The following STRADA variants were observed in gnomAD, a reference collection of about 807,000 sequenced individuals.
The protein encoded by STRADA is STE20-related kinase adapter protein alpha.
STRADA carries 26 observed loss-of-function variants against 55.0 expected under a neutral mutation model. The ratio of observed to expected loss-of-function variants is 0.47; its 90% CI spans 0.35 to 0.66. The LOEUF is 0.66. STRADA is among the 30% of genes least tolerant of loss of function. The pLI is 0.01. For missense variants in STRADA, 443 were observed against 549.7 expected, an observed-to-expected ratio of 0.81 and a Z score of 1.94; for synonymous variants, 197 against 210.9, an observed-to-expected ratio of 0.93 and a Z score of 0.57.
rs1555712188 is a variant in STRADA, at chr17:63,740,105, T to TAC, written c.-45+1635_-45+1636insGT. On this transcript the variant is annotated intron_variant, in intron 1 of 12. Transcript: ENST00000336174. Reference sequence around the variant, plus strand: ...TTAACACTATATATATATATATATATATACATACATACATATATATATACA... The same window carrying TAC: ...TTAACACTATATATATATATATATATACATACATACATACATATATATATACA... Among the ~76,000 whole-genome samples, 18 of 56,660 alleles carry TAC rather than the reference T, an allele frequency of 3.2e-4. 4 individuals are homozygous for TAC. The highest frequency in any genetic ancestry group is 1.3e-3 in the South Asian group (2 of 1,520). 37.2% of individuals were successfully genotyped at this position (56,660 alleles called of 152,430 possible). A position where few individuals can be genotyped will look rare whatever the true frequency, so the allele number is the denominator to read the frequency against.
chr17:63,704,859 C>T (rs186211222), intron 10 of STRADA: 355 of 1,536,000 alleles, frequency 2.3e-4, no homozygotes, highest in Non-Finnish European at 9.5e-5. Context: ...TCACAGTTTC[C>T]GCTCTCCCTT....
chr17:63,731,531 T>C (rs958485508), intron 1 of STRADA, among the ~76,000 whole-genome samples: 3 of 152,114 alleles, frequency 2.0e-5, no homozygotes, highest in African/African-American at 7.2e-5. Context: ...CCCAAAGTGC[T>C]GGGATTACAG....
At chr17:63,714,593 C>T (rs2036729416) in intron 4 of STRADA, 1 of 207,454 alleles carries the variant, frequency 4.8e-6, no homozygotes, top group Admixed American at 5.3e-5. Flanking sequence ...GAGTAGCCCC[C>T]TCTTTAGCAA....
intron 1 of STRADA, among the ~76,000 whole-genome samples, chr17:63,731,894 T>A (rs962360613): frequency 2.0e-5 from 3 of 152,198 alleles, no homozygotes; most frequent in African/African-American, 7.2e-5. Context: ...AGACAGGGTT[T>A]CATTCTATTG....
intron 1 of STRADA, among the ~76,000 whole-genome samples, chr17:63,729,405 C>G (rs1208961050): frequency 6.6e-6 from 1 of 152,144 alleles, no homozygotes; most frequent in Non-Finnish European, 1.5e-5. Flanking sequence ...ACCAACATAG[C>G]TCTGGCATAA....
chr17:63,726,820 T>A, intron 2 of STRADA, 125 bp from the exon 3 acceptor site: 1 of 900,856 alleles, frequency 1.1e-6, no homozygotes, highest in Non-Finnish European at 1.7e-6. Flanking sequence ...CAGTTAGGAA[T>A]CATTTCTATG....
chr17:63,737,253 A>AAAAGAAAAG, intron 1 of STRADA: 1 of 62,766 alleles, frequency 1.6e-5, no homozygotes, highest in African/African-American at 5.2e-5. Context: ...TATCTCAAAA[A>AAAAGAAAAG]AAAAAAAAAA....
rs763530418 is a variant in STRADA at position 63,707,102 on chromosome 17, C to T, written c.753+145G>A. ...ACCACATCCATCTGCAGTGGACAGG[C>T]GCTGCCCACGCTGAGGGCTCCCTCC... is the stretch of plus-strand genomic sequence containing the variant. On this transcript the variant is annotated intron_variant, in intron 9 of 12. Transcript: ENST00000336174. The T allele has an allele frequency of 3.8e-4, 369 of 980,982 alleles. 3 individuals carry two copies. The highest frequency in any genetic ancestry group is 2.6e-3 in the Middle Eastern group (8 of 3,070). 60.8% of individuals were successfully genotyped at this position (980,982 alleles called of 1,614,324 possible).
chr17:63,707,075 G>A (rs773894660), intron 9 of STRADA, among the ~76,000 whole-genome samples, 172 bp downstream of exon 9: 125 of 152,198 alleles, frequency 8.2e-4, no homozygotes, highest in Admixed American at 3.3e-3. Flanking sequence ...CCCCTGGGAG[G>A]AACCACATCC....
At chr17:63,728,166 G>T (rs1467957646) in intron 2 of STRADA, 168 bp downstream of exon 2, 2 of 570,474 alleles carry the variant, frequency 3.5e-6, no homozygotes, top group East Asian at 6.3e-5. Flanking sequence ...GCCTCTGTCT[G>T]CAAACTCTTC....
rs543680406 is a variant in STRADA, at chr17:63,711,672, C to T, written c.349-836G>A. ...AAACATGGCCGGGCATGGTGGCTCA[C>T]GCCTGTAATCCCAGCACTTTGGGAG... On this transcript the variant is annotated intron_variant, in intron 6 of 12. Coordinates refer to ENST00000336174, the MANE Select transcript of STRADA (RefSeq NM_001003787.4). Among the ~76,000 whole-genome samples, 5 of 151,958 alleles carry T rather than the reference C, an allele frequency of 3.3e-5. No homozygotes were observed. In the East Asian group the frequency reaches 7.9e-4, roughly 24 times the overall value.
At chr17:63,731,523 CA>C (rs2038056608) in intron 1 of STRADA, among the ~76,000 whole-genome samples, 1 of 152,142 alleles carries the variant, frequency 6.6e-6, no homozygotes, top group African/African-American at 2.4e-5. Flanking sequence ...CTTGGCCTCC[CA>C]AAGTGCTGGG....
At chr17:63,706,382 A>G in intron 10 of STRADA, 1 of 458,170 alleles carries the variant, frequency 2.2e-6, no homozygotes. Context: ...ATAGACATGT[A>G]GCGTGTGGGC....
At chr17:63,729,058 A>G (rs1269436241) in intron 1 of STRADA, among the ~76,000 whole-genome samples, 2 of 151,912 alleles carry the variant, frequency 1.3e-5, no homozygotes, top group Non-Finnish European at 2.9e-5. Context: ...TTATTTATTT[A>G]CTTCTTATAG....
chr17:63,713,880 G>A (rs1443679681), intron 5 of STRADA, 126 bp downstream of exon 5: 1 of 789,850 alleles, frequency 1.3e-6, no homozygotes, highest in African/African-American at 1.7e-5. Flanking sequence ...ACAGAAGCAA[G>A]TCTGTGCCCA....
chr17:63,728,384 T>C lies in STRADA; in HGVS notation c.-15A>G. ...AGAAATGACATGAGTTCCTACTGTG[T>C]AGGCCTACTTCAGTTTCAAAAACTT... On this transcript the variant is annotated 5_prime_UTR_variant, in exon 2 of 13. Coordinates refer to ENST00000336174, the MANE Select transcript of STRADA (RefSeq NM_001003787.4). 1.9e-6 allele frequency: 3 copies of C among 1,606,494 alleles called. No homozygotes were observed. In the African/African-American group the frequency reaches 4.0e-5, roughly 22 times the overall value.
In STRADA at chr17:63,716,095, GT is replaced by G. The variant is rs536853800; in HGVS notation, c.124-1988del. Among the ~76,000 whole-genome samples, 343 of 134,924 alleles carry G rather than the reference GT, an allele frequency of 2.5e-3. 2 individuals carry two copies. The highest frequency in any genetic ancestry group is 0.02 in the South Asian group (83 of 4,216). 88.5% of individuals were successfully genotyped at this position (134,924 alleles called of 152,430 possible). A position where few individuals can be genotyped will look rare whatever the true frequency, so the allele number is the denominator to read the frequency against. Reference sequence around the variant, plus strand: ...TACACTCCCACCAGCAACGTACGTGGTTTTTTTTTTTTTTTTTTTTAGACGG... The same window carrying G: ...TACACTCCCACCAGCAACGTACGTGGTTTTTTTTTTTTTTTTTTTAGACGG... On this transcript the variant is annotated intron_variant, in intron 4 of 12. Coordinates refer to ENST00000336174, the MANE Select transcript of STRADA (RefSeq NM_001003787.4).
chr17:63,714,105 T>C lies in STRADA; in HGVS notation c.127A>G (p.Asn43Asp). The C allele has an allele frequency of 6.2e-7, 1 of 1,612,802 alleles. No homozygotes were observed. The highest frequency in any genetic ancestry group is 8.5e-7 in the Non-Finnish European group (1 of 1,179,182). ...QPPGDTRRKTNDASSESIASF... is the reference protein window; with the variant it reads ...QPPGDTRRKTDDASSESIASF... ...GCTATTGACTCTGAGCTCGCATCAT[T>C]GGTCTAAAAAAGAAAAAGAAAAATA... is the stretch of plus-strand genomic sequence containing the variant. Residue 43 changes from asparagine to aspartate, a missense_variant, in exon 5 of 13, where the codon AAT (asparagine) becomes GAT (aspartate). Coordinates refer to ENST00000336174, the MANE Select transcript of STRADA (RefSeq NM_001003787.4).
Position 63,723,333 on chromosome 17 carries a change from TAGAG to T in STRADA, c.95-11_95-8del. ...GTGTCACCCGGAGGCTGCTCTGGGG[TAGAG>T]AAATTGATTGTTGGCATTTTGTGTT... On this transcript the variant is annotated splice_polypyrimidine_tract_variant and splice_region_variant and intron_variant, in intron 3 of 12. Coordinates refer to ENST00000336174, the MANE Select transcript of STRADA (RefSeq NM_001003787.4). 6.2e-7 allele frequency: 1 copy of T among 1,614,022 alleles called. No individual in the cohort carries two copies. Among genetic ancestry groups the T allele is most frequent in the Non-Finnish European group, 8.5e-7 (1 of 1,179,998 alleles).
Sources: allele counts gnomAD v4.1 joint callset (sites outside exome capture counted in the v4.1 genomes callset), GRCh38; gene constraint gnomAD v4.1.1; transcripts MANE v1.5; gene names NCBI Gene and HGNC (gene_info 2026-07-23, HGNC 2026-07-21).